Variants in ATXN7L1 observed in about 807,000 individuals in gnomAD.
ATXN7L1 encodes the protein ataxin-7-like protein 1.
ATXN7L1 carries 15 observed loss-of-function variants against 70.8 expected under a neutral mutation model. The ratio of observed to expected loss-of-function variants is 0.21; its 90% CI spans 0.14 to 0.33. The LOEUF (loss-of-function observed/expected upper bound fraction) is 0.33, where lower values mean the gene tolerates loss of function less well. Among genes scored for constraint, ATXN7L1 ranks in the 10% least tolerant of loss-of-function variants. The pLI, the probability that ATXN7L1 is intolerant of heterozygous loss-of-function variation, is 1.00. For synonymous variants in ATXN7L1, 440 were observed against 445.1 expected (o/e 0.99, Z 0.14); for missense variants, 975 against 1,097.1 (o/e 0.89, Z 1.57).
intron 2 of ATXN7L1, among the ~76,000 whole-genome samples, chr7:105,793,928 C>T (rs1269474471): frequency 2.0e-5 from 3 of 152,088 alleles, no homozygotes; most frequent in African/African-American, 7.2e-5. Flanking sequence ...CCGCTATAGA[C>T]ATGTAGTCAT....
At chr7:105,707,140 C>T (rs1434460190) in intron 3 of ATXN7L1, among the ~76,000 whole-genome samples, 3 of 152,160 alleles carry the variant, frequency 2.0e-5, no homozygotes, top group Non-Finnish European at 4.4e-5. Flanking sequence ...ATCAGGAATA[C>T]TGGGCTTCCT....
chr7:105,868,781 G>C (rs1170259079), intron 2 of ATXN7L1, among the ~76,000 whole-genome samples: 1 of 152,188 alleles, frequency 6.6e-6, no homozygotes, highest in East Asian at 1.9e-4. Context: ...GTGTATGTGT[G>C]TGTAATGGTC....
chr7:105,733,903 T>TC (rs1445394552), intron 3 of ATXN7L1, among the ~76,000 whole-genome samples: 1 of 96,504 alleles, frequency 1.0e-5, no homozygotes, highest in African/African-American at 4.0e-5. Flanking sequence ...CATCCATCCA[T>TC]CATCCATCAT....
chr7:105,693,640 ATGAG>A (rs2116212213), intron 3 of ATXN7L1, among the ~76,000 whole-genome samples: 1 of 152,204 alleles, frequency 6.6e-6, no homozygotes, highest in South Asian at 2.1e-4. Flanking sequence ...GGGGAAAGTA[ATGAG>A]TAAGTAGAAA....
intron 2 of ATXN7L1, among the ~76,000 whole-genome samples, chr7:105,843,753 A>G (rs964324639): frequency 4.6e-5 from 7 of 152,344 alleles, no homozygotes; most frequent in African/African-American, 1.7e-4. Context: ...GAGACAGGAG[A>G]TAAGAAAACA....
chr7:105,659,944 G>C (rs1443900661), intron 4 of ATXN7L1, among the ~76,000 whole-genome samples: 1 of 151,454 alleles, frequency 6.6e-6, no homozygotes, highest in Non-Finnish European at 1.5e-5. Flanking sequence ...TGACTTCCCA[G>C]CTGAACTCAT....
intron 10 of ATXN7L1, among the ~76,000 whole-genome samples, chr7:105,611,267 C>G (rs1233731758): frequency 1.3e-5 from 2 of 152,234 alleles, no homozygotes; most frequent in Admixed American, 6.5e-5. Flanking sequence ...TGATGCCAGG[C>G]ACTAACCAGT....
chr7:105,813,525 C>T (rs941010659), intron 2 of ATXN7L1, among the ~76,000 whole-genome samples: 6 of 151,862 alleles, frequency 4.0e-5, no homozygotes, highest in East Asian at 3.9e-4. Flanking sequence ...TTAGTAGAGA[C>T]GGGGTTTCTC....
intron 9 of ATXN7L1, among the ~76,000 whole-genome samples, chr7:105,615,883 C>A (rs529971037): frequency 6.6e-6 from 1 of 152,298 alleles, no homozygotes; most frequent in South Asian, 2.1e-4. Flanking sequence ...GGCCTCCCTG[C>A]AAACTCCATC....
intron 9 of ATXN7L1, among the ~76,000 whole-genome samples, chr7:105,619,144 T>TTTTTTG (rs1393788667): frequency 9.6e-6 from 1 of 104,464 alleles, no homozygotes; most frequent in Admixed American, 9.8e-5. Flanking sequence ...TCTTTAGTTT[T>TTTTTTG]TTTTTTTTTT....
At chr7:105,809,434 C>T (rs958146173) in intron 2 of ATXN7L1, among the ~76,000 whole-genome samples, 2 of 152,136 alleles carry the variant, frequency 1.3e-5, no homozygotes, top group African/African-American at 2.4e-5. Context: ...CTCCTTCCTC[C>T]GGCCCCTGGC....
chr7:105,725,913 T>G (rs1038279994), intron 3 of ATXN7L1, among the ~76,000 whole-genome samples: 5 of 150,630 alleles, frequency 3.3e-5, no homozygotes, highest in African/African-American at 1.2e-4. Flanking sequence ...CTTTTTTTTT[T>G]TTTTTTTGAG....
intron 7 of ATXN7L1, among the ~76,000 whole-genome samples, chr7:105,632,646 A>C (rs1796758264): frequency 6.6e-6 from 1 of 152,088 alleles, no homozygotes; most frequent in Non-Finnish European, 1.5e-5. Flanking sequence ...TGATCAGCTG[A>C]GTGCAGTGGT....
chr7:105,662,065 T>C (rs1034132280), intron 4 of ATXN7L1, among the ~76,000 whole-genome samples: 2 of 92,624 alleles, frequency 2.2e-5, no homozygotes, highest in East Asian at 1.9e-3. Flanking sequence ...CTTCCTTCCT[T>C]CCTTCCTTCC....
intron 2 of ATXN7L1, among the ~76,000 whole-genome samples, chr7:105,873,178 AAACAAAAC>A (rs995903226): frequency 8.6e-5 from 13 of 151,956 alleles, no homozygotes; most frequent in Admixed American, 1.3e-4. Flanking sequence ...AAACAAAACA[AAACAAAAC>A]AACAACAACA....
rs1258853733 is a variant in ATXN7L1, at chr7:105,716,747, G to A, written c.356-51459C>T. On this transcript the variant is annotated intron_variant, in intron 3 of 11. Transcript: ENST00000419735. ...GTACAAAAATTAGCCAGGTATGGTG[G>A]CATGCACCTGTAGTCCCAGCTACTT... is the stretch of plus-strand genomic sequence containing the variant. 4.0e-5 allele frequency among the ~76,000 whole-genome samples: 6 copies of A among 150,134 alleles called. No homozygotes were observed. The East Asian group carries it at 9.8e-4, about 25-fold the overall frequency.
intron 3 of ATXN7L1, among the ~76,000 whole-genome samples, chr7:105,774,617 T>C (rs111368242): frequency 3.9e-5 from 6 of 152,234 alleles, no homozygotes; most frequent in African/African-American, 1.4e-4. Context: ...CCTCCCAAAA[T>C]GCTAAGATTA....
At chr7:105,635,925 C>T (rs1050014941) in intron 7 of ATXN7L1, among the ~76,000 whole-genome samples, 27 of 149,630 alleles carry the variant, frequency 1.8e-4, no homozygotes, top group Middle Eastern at 3.6e-3. Flanking sequence ...AGTAAAGCAA[C>T]GTTTTTGTAA....
chr7:105,814,348 AATGATGATGGTGATG>A (rs1163298985), intron 2 of ATXN7L1, among the ~76,000 whole-genome samples: 1 of 152,128 alleles, frequency 6.6e-6, no homozygotes, highest in African/African-American at 2.4e-5. Flanking sequence ...CTTTGGTGGC[AATGATGATGGTGATG>A]ATGATGATGA....
Sources: gnomAD v4.1 joint callset for allele counts (sites outside exome capture counted in the v4.1 genomes callset) on GRCh38, gnomAD v4.1.1 for gene constraint, MANE v1.5 for transcripts, NCBI Gene and HGNC (gene_info 2026-07-23, HGNC 2026-07-21) for gene names.